The following GRB2 variants were observed in gnomAD, a reference collection of about 807,000 sequenced individuals.
GRB2 encodes growth factor receptor bound protein 2.
GRB2 carries 2 observed loss-of-function variants against 27.4 expected under a neutral mutation model. The ratio of observed to expected loss-of-function variants is 0.07; its 90% CI spans 0.03 to 0.23. The LOEUF is 0.23. Ranked by LOEUF, GRB2 falls within the 10% of genes least tolerant of loss-of-function variation. GRB2 has a pLI of 1.00. For synonymous variants in GRB2, 94 were observed against 99.6 expected, an observed-to-expected ratio of 0.94 and a Z score of 0.33; for missense variants, 102 against 282.4, an observed-to-expected ratio of 0.36 and a Z score of 4.58.
rs144471655 is a variant in GRB2 at position 75,385,079 on chromosome 17, A to AC, written c.78+8471_78+8472insG. On this transcript the variant is annotated intron_variant, in intron 2 of 5. Transcript: ENST00000316804. The stretch of plus-strand genomic sequence containing the variant: ...AAAAAGCAAACAAACAAACAAACAA[A>AC]AAAACCCTTAAATTATCCAGGTGTG... 5.4e-5 allele frequency among the ~76,000 whole-genome samples: 8 copies of AC among 148,194 alleles called. No individual in the cohort carries two copies. The East Asian group carries it at 6.0e-4, about 11-fold the overall frequency.
intron 1 of GRB2, among the ~76,000 whole-genome samples, chr17:75,400,886 T>C (rs1012342745): frequency 6.6e-6 from 1 of 152,080 alleles, no homozygotes; most frequent in Non-Finnish European, 1.5e-5. Flanking sequence ...ATGTGCAACA[T>C]ACACATATAC....
At chr17:75,374,168 G>A (rs1284184326) in intron 2 of GRB2, among the ~76,000 whole-genome samples, 1 of 151,828 alleles carries the variant, frequency 6.6e-6, no homozygotes, top group Non-Finnish European at 1.5e-5. Context: ...CACTTTGGGA[G>A]GCCGAGGCAG....
intron 2 of GRB2, among the ~76,000 whole-genome samples, chr17:75,385,322 C>T (rs988017955): frequency 2.0e-5 from 3 of 151,904 alleles, no homozygotes; most frequent in Non-Finnish European, 2.9e-5. Flanking sequence ...ATATTACCTG[C>T]GTTCAGGATT....
chr17:75,388,739 G>T (rs551979958), intron 2 of GRB2, among the ~76,000 whole-genome samples: 1 of 151,978 alleles, frequency 6.6e-6, no homozygotes, highest in Non-Finnish European at 1.5e-5. Flanking sequence ...AGCATGCCTG[G>T]CTTTTTATTT....
intron 2 of GRB2, among the ~76,000 whole-genome samples, chr17:75,342,394 G>A (rs1268066466): frequency 1.3e-5 from 2 of 152,086 alleles, no homozygotes; most frequent in Admixed American, 6.6e-5. Context: ...TAGTGCCCTA[G>A]AGCAAGCTGG....
At chr17:75,348,069 C>T (rs1032671263) in intron 2 of GRB2, among the ~76,000 whole-genome samples, 5 of 152,206 alleles carry the variant, frequency 3.3e-5, no homozygotes, top group African/African-American at 1.2e-4. Flanking sequence ...AGACAGGGGT[C>T]TTGCTCTGTG....
rs1424515306 is a variant in GRB2 at position 75,319,535 on chromosome 17, TC to T, written c.*832del. On this transcript the variant is annotated 3_prime_UTR_variant, in exon 6 of 6. Transcript: ENST00000316804. ...GGTCCCGGCTCACTCAACCTCCACT[TC>T]CCAGGTTCAAGCGATTCTCCTGCCT... 2.0e-5 allele frequency: 3 copies of T among 151,212 alleles called. No homozygotes were observed. Among genetic ancestry groups the T allele is most frequent in the African/African-American group, 7.3e-5 (3 of 40,970 alleles). The allele number at this position is 151,212 out of a possible 1,614,324, so 9.4% of individuals were successfully genotyped here.
chr17:75,338,974 G>A, intron 2 of GRB2: 1 of 1,203,414 alleles, frequency 8.3e-7, no homozygotes, highest in Non-Finnish European at 1.2e-6. Flanking sequence ...TGGCTATGGT[G>A]GGCAGACTAA....
chr17:75,323,259 C>A (rs2078472902), intron 4 of GRB2, among the ~76,000 whole-genome samples: 1 of 152,034 alleles, frequency 6.6e-6, no homozygotes, highest in African/African-American at 2.4e-5. Flanking sequence ...CAGCACTGAG[C>A]CTCAAGGAAG....
At chr17:75,396,287 G>C (rs2079028838) in intron 1 of GRB2, among the ~76,000 whole-genome samples, 1 of 151,608 alleles carries the variant, frequency 6.6e-6, no homozygotes, top group Non-Finnish European at 1.5e-5. Flanking sequence ...CTGTTGTCCA[G>C]GCACGAGTGC....
intron 2 of GRB2, among the ~76,000 whole-genome samples, chr17:75,357,311 C>T (rs555218687): frequency 3.3e-5 from 5 of 152,074 alleles, no homozygotes; most frequent in Admixed American, 2.6e-4. Flanking sequence ...TGGATGGGAC[C>T]GTAGAACAGA....
At chr17:75,330,034 C>T (rs768698215) in intron 3 of GRB2, among the ~76,000 whole-genome samples, 3 of 151,984 alleles carry the variant, frequency 2.0e-5, no homozygotes, top group Non-Finnish European at 2.9e-5. Context: ...AGTGCAGTGG[C>T]GTGATCTTGG....
At chr17:75,384,600 G>A (rs1043178600) in intron 2 of GRB2, among the ~76,000 whole-genome samples, 5 of 152,262 alleles carry the variant, frequency 3.3e-5, no homozygotes, top group African/African-American at 9.6e-5. Context: ...AACCCGGGAG[G>A]TGGAGGTTGC....
intron 1 of GRB2, among the ~76,000 whole-genome samples, chr17:75,398,716 G>A (rs937944340): frequency 6.6e-6 from 1 of 152,094 alleles, no homozygotes; most frequent in African/African-American, 2.4e-5. Flanking sequence ...TTTTTGGTGA[G>A]TTCTTTGGTA....
At chr17:75,392,912 T>C (rs1040923395) in intron 2 of GRB2, among the ~76,000 whole-genome samples, 2 of 152,196 alleles carry the variant, frequency 1.3e-5, no homozygotes, top group African/African-American at 4.8e-5. Flanking sequence ...TTTCGTGCAA[T>C]TAGAGTTTAA....
At chr17:75,381,736 A>AAG (rs1555612433) in intron 2 of GRB2, among the ~76,000 whole-genome samples, 21 of 106,502 alleles carry the variant, frequency 2.0e-4, no homozygotes, top group Admixed American at 4.6e-4. Flanking sequence ...AAAAAAAAAG[A>AAG]AAAAAAAAAA....
chr17:75,333,899 A>AC (rs1245253220), intron 2 of GRB2, among the ~76,000 whole-genome samples: 2 of 152,148 alleles, frequency 1.3e-5, no homozygotes, highest in Non-Finnish European at 2.9e-5. Context: ...CGAGGTAGTG[A>AC]CCCCACAGAG....
At chr17:75,351,652 CA>C (rs543519203) in intron 2 of GRB2, among the ~76,000 whole-genome samples, 270 of 137,536 alleles carry the variant, frequency 2.0e-3, no homozygotes, top group East Asian at 0.014. Context: ...GACCTACCTC[CA>C]AAAAAAAAAA....
At chr17:75,382,251 G>A (rs1332987141) in intron 2 of GRB2, among the ~76,000 whole-genome samples, 3 of 150,596 alleles carry the variant, frequency 2.0e-5, no homozygotes, top group African/African-American at 4.9e-5. Context: ...GTAATGTATC[G>A]AGACCTTGTC....
Sources: allele counts gnomAD v4.1 joint callset (sites outside exome capture counted in the v4.1 genomes callset), GRCh38; gene constraint gnomAD v4.1.1; transcripts MANE v1.5; gene names NCBI Gene and HGNC (gene_info 2026-07-23, HGNC 2026-07-21).